The following WTIP variants were observed in gnomAD, a reference collection of about 807,000 sequenced individuals.
WTIP encodes the protein Wilms tumor protein 1-interacting protein.
A neutral mutation model predicts 41.7 loss-of-function variants in WTIP; 23 were observed. The observed-to-expected ratio is 0.55, with a 90% confidence interval of 0.40 to 0.78. The LOEUF is 0.78. Among genes scored for constraint, WTIP ranks in the 30% least tolerant of loss-of-function variants. The pLI is 0.00. For missense variants in WTIP, 619 were observed against 610.5 expected, an observed-to-expected ratio of 1.01 and a Z score of -0.15; for synonymous variants, 314 against 269.9, an observed-to-expected ratio of 1.16 and a Z score of -1.60.
rs191252448 is a variant in WTIP at position 34,507,886 on chromosome 19, G to C, written c.*7617G>C. 6.6e-6 allele frequency: 1 copy of C among 152,318 alleles called. No individual in the cohort carries two copies. The highest frequency in any genetic ancestry group is 2.4e-5 in the African/African-American group (1 of 41,564). The allele number at this position is 152,318 out of a possible 1,614,324, so 9.4% of individuals were successfully genotyped here. ...GGTCCCACACATCTCCTGGAGCAGA[G>C]CCTGATTCCCAGCCTCTGTAGCTGG... On this transcript the variant is annotated 3_prime_UTR_variant, in exon 8 of 8. Transcript: ENST00000590071.
In WTIP at chr19:34,493,471, C is replaced by A. The variant is rs759244005; in HGVS notation, c.901-21C>A. 1 of 1,612,950 alleles carries A rather than the reference C, an allele frequency of 6.2e-7. No homozygotes were observed. Among genetic ancestry groups the A allele is most frequent in the East Asian group, 2.2e-5 (1 of 44,856 alleles). On this transcript the variant is annotated intron_variant, in intron 4 of 7. Coordinates refer to ENST00000590071, the MANE Select transcript of WTIP (RefSeq NM_001080436.2). This position sits in a 1 kb window ranked among gnomAD's most constrained non-coding sequence, Gnocchi z 4.1. Reference sequence around the variant, plus strand: ...CTGAGCCTCCTGCCCGCGCTGACCCCTCAGTGTGCCCCGCCCACAGATCCT... The same window carrying A: ...CTGAGCCTCCTGCCCGCGCTGACCCATCAGTGTGCCCCGCCCACAGATCCT...
chr19:34,493,314 A>AT lies in WTIP; in HGVS notation c.890dup (p.Met298HisfsTer24). ...CAAATGCAGCGTGTGTGGACATCTC[A>AT]TCATGGAAATGGTGAGCCCCTGCCC... On this transcript the variant is annotated frameshift_variant, in exon 4 of 8. Transcript: ENST00000590071. LOFTEE classifies it high-confidence loss of function. This position sits in a 1 kb window ranked among gnomAD's most constrained non-coding sequence, Gnocchi z 4.1. The AT allele has an allele frequency of 6.2e-7, 1 of 1,606,378 alleles. No individual in the cohort carries two copies. Among genetic ancestry groups the AT allele is most frequent in the South Asian group, 1.1e-5 (1 of 90,800 alleles).
intron 2 of WTIP, among the ~76,000 whole-genome samples, chr19:34,492,350 AGCGATGCTCCTGCCTCAGC>A (rs913300179): frequency 6.7e-6 from 1 of 148,566 alleles, no homozygotes; most frequent in African/African-American, 2.5e-5. Context: ...CCTGGGCTCA[AGCGATGCTCCTGCCTCAGC>A]CTCCCAGGAG....
intron 1 of WTIP, among the ~76,000 whole-genome samples, chr19:34,485,019 T>A (rs1200071066): frequency 6.6e-6 from 1 of 152,158 alleles, no homozygotes; most frequent in Non-Finnish European, 1.5e-5. Flanking sequence ...AGACCTTTTT[T>A]ATTTTGTTTT....
At chr19:34,487,520 A>C (rs1314691349) in intron 1 of WTIP, among the ~76,000 whole-genome samples, 1 of 151,082 alleles carries the variant, frequency 6.6e-6, no homozygotes, top group Non-Finnish European at 1.5e-5. Context: ...ATGAAGACCC[A>C]GAAAGCTGGG....
At position 34,482,646 on chromosome 19, in the gene WTIP, G is replaced by C; in HGVS notation, c.667+5G>C. The C allele has an allele frequency of 1.6e-6, 2 of 1,227,648 alleles. No individual in the cohort carries two copies. Among genetic ancestry groups the C allele is most frequent in the African/African-American group, 1.6e-5 (1 of 64,246 alleles). 76.0% of individuals were successfully genotyped at this position (1,227,648 alleles called of 1,614,324 possible). On this transcript the variant is annotated splice_donor_5th_base_variant and intron_variant, in intron 1 of 7. Coordinates refer to ENST00000590071, the MANE Select transcript of WTIP (RefSeq NM_001080436.2). The stretch of plus-strand genomic sequence containing the variant: ...GCACGGCGCGGGACTACTTCGGTGA[G>C]CTCGCTCGGCCCGGCAGTTCCCTGC...
At position 34,505,621 on chromosome 19, in the gene WTIP, C is replaced by T. The variant is rs112684835; in HGVS notation, c.*5352C>T. Reference sequence around the variant, plus strand: ...TCTCCACGCTGCGCACGTGAACCCGCCCGGGTCACACACCTGCCCTGCCAT... The same window carrying T: ...TCTCCACGCTGCGCACGTGAACCCGTCCGGGTCACACACCTGCCCTGCCAT... On this transcript the variant is annotated 3_prime_UTR_variant, in exon 8 of 8. Transcript: ENST00000590071. 6,515 of 152,532 alleles carry T rather than the reference C, an allele frequency of 0.043. 349 individuals are homozygous for T. Among genetic ancestry groups the T allele is most frequent in the African/African-American group, 0.13 (5,384 of 41,534 alleles). 9.4% of individuals were successfully genotyped at this position (152,532 alleles called of 1,614,324 possible).
Position 34,484,719 on chromosome 19 carries a change from G to A in WTIP, c.667+2078G>A, listed in dbSNP as rs145586021. Among the ~76,000 whole-genome samples the A allele has an allele frequency of 8.4e-3, 1,281 of 152,198 alleles. 20 individuals are homozygous for A. Among genetic ancestry groups the A allele is most frequent in the African/African-American group, 0.029 (1,222 of 41,522 alleles). On this transcript the variant is annotated intron_variant, in intron 1 of 7. Transcript: ENST00000590071. ...TAGGGGTGGCTGAGGTCCCAGGCAGGTAATGTGGAGATGATACAAGAAGGT... is the reference window on the plus strand; with the variant it reads ...TAGGGGTGGCTGAGGTCCCAGGCAGATAATGTGGAGATGATACAAGAAGGT...
chr19:34,489,974 C>G (rs2075817347), intron 1 of WTIP, among the ~76,000 whole-genome samples: 1 of 152,122 alleles, frequency 6.6e-6, no homozygotes, highest in South Asian at 2.1e-4. Context: ...TGCAGTGGCT[C>G]ATGCCTGTAA....
In WTIP at chr19:34,500,125, C is replaced by G; in HGVS notation, c.1153-4C>G. On this transcript the variant is annotated splice_polypyrimidine_tract_variant and splice_region_variant and intron_variant, in intron 7 of 7. Coordinates refer to ENST00000590071, the MANE Select transcript of WTIP (RefSeq NM_001080436.2). ...CTGGGGCTGGGGGCTGTGTTCTTCC[C>G]TAGGACTGCGGGCTGCAGCTGAGCG... The G allele has an allele frequency of 1.3e-6, 2 of 1,599,258 alleles. No individual in the cohort carries two copies. Among genetic ancestry groups the G allele is most frequent in the South Asian group, 2.2e-5 (2 of 90,880 alleles).
At chr19:34,497,879 G>C (rs142517741) in intron 7 of WTIP, among the ~76,000 whole-genome samples, 17 of 152,352 alleles carry the variant, frequency 1.1e-4, no homozygotes, top group African/African-American at 4.1e-4. Flanking sequence ...CCTGTGGACT[G>C]TGCGGTCCCC....
At chr19:34,484,733 A>G (rs7248559) in intron 1 of WTIP, among the ~76,000 whole-genome samples, 110,044 of 151,696 alleles carry the variant, frequency 0.73, 43,335 homozygotes, top group Non-Finnish European at 0.88. Context: ...TGTGGAGATG[A>G]TACAAGAAGG....
chr19:34,510,047 A>G lies in WTIP; in HGVS notation c.*9778A>G, dbSNP rs59992988. ...TCTGCGGCTTTTCCAGGCACCTTGT[A>G]CAAGCTGTCAGTGTATCTACCATTC... On this transcript the variant is annotated 3_prime_UTR_variant, in exon 8 of 8. Transcript: ENST00000590071. 6,487 of 152,206 alleles carry G rather than the reference A, an allele frequency of 0.043. 479 individuals are homozygous for G. The highest frequency in any genetic ancestry group is 0.15 in the African/African-American group (6,132 of 41,468). The allele number at this position is 152,206 out of a possible 1,614,324, so 9.4% of individuals were successfully genotyped here.
At position 34,500,435 on chromosome 19, in the gene WTIP, C is replaced by T. The variant is rs773441623; in HGVS notation, c.*166C>T. The T allele has an allele frequency of 3.1e-4, 309 of 1,007,776 alleles. No individual in the cohort carries two copies. The highest frequency in any genetic ancestry group is 4.1e-4 in the Non-Finnish European group (294 of 723,246). 62.4% of individuals were successfully genotyped at this position (1,007,776 alleles called of 1,614,324 possible). The stretch of plus-strand genomic sequence containing the variant: ...GTGGAAGCTTCTATTTATTCACCGT[C>T]TGTGCCTGCTCAAGTCACTTCCCTG... On this transcript the variant is annotated 3_prime_UTR_variant, in exon 8 of 8. Transcript: ENST00000590071.
At chr19:34,497,195 G>C (rs1248434558) in intron 7 of WTIP, among the ~76,000 whole-genome samples, 1 of 152,032 alleles carries the variant, frequency 6.6e-6, no homozygotes, top group Non-Finnish European at 1.5e-5. Flanking sequence ...GGGAATTCCA[G>C]TTGCCTTGGC....
chr19:34,485,191 T>C (rs1288365229), intron 1 of WTIP, among the ~76,000 whole-genome samples: 1 of 152,162 alleles, frequency 6.6e-6, no homozygotes, highest in Non-Finnish European at 1.5e-5. Context: ...CAAGTGATTC[T>C]CCTGGCTCAG....
At chr19:34,487,861 C>T (rs971718312) in intron 1 of WTIP, among the ~76,000 whole-genome samples, 5 of 152,210 alleles carry the variant, frequency 3.3e-5, no homozygotes, top group African/African-American at 7.2e-5. Context: ...AAAGGGGACA[C>T]GAGATGTATG....
At position 34,504,648 on chromosome 19, in the gene WTIP, A is replaced by T. The variant is rs1319582689; in HGVS notation, c.*4379A>T. The T allele has an allele frequency of 6.6e-6, 1 of 152,666 alleles. No homozygotes were observed. Among genetic ancestry groups the T allele is most frequent in the East Asian group, 1.9e-4 (1 of 5,174 alleles). 9.5% of individuals were successfully genotyped at this position (152,666 alleles called of 1,614,324 possible). On this transcript the variant is annotated 3_prime_UTR_variant, in exon 8 of 8. Transcript: ENST00000590071. ...GGGGAGGGGCCACTGGGCAGGATTT[A>T]TGAGACCTGGGCAGAGGTGTGGGGA...
rs1054487435 is a variant in WTIP at position 34,493,928 on chromosome 19, C to G, written c.1031+306C>G. 3.9e-5 allele frequency among the ~76,000 whole-genome samples: 6 copies of G among 152,178 alleles called. No homozygotes were observed. The highest frequency in any genetic ancestry group is 1.2e-4 in the African/African-American group (5 of 41,438). ...CTTTCCCCCTCCTCCCCTCCATCCC[C>G]TGCCAGGCCAGGCCTCTTTCAGCTG... On this transcript the variant is annotated intron_variant, in intron 5 of 7. Coordinates refer to ENST00000590071, the MANE Select transcript of WTIP (RefSeq NM_001080436.2). This position sits in a 1 kb window ranked among gnomAD's most constrained non-coding sequence, Gnocchi z 4.1.
Sources: gnomAD v4.1 joint callset for allele counts (sites outside exome capture counted in the v4.1 genomes callset) on GRCh38, gnomAD v4.1.1 for gene constraint, Gnocchi (gnomAD v3.1) non-coding constraint, MANE v1.5 for transcripts, NCBI Gene and HGNC (gene_info 2026-07-23, HGNC 2026-07-21) for gene names.